The following NOL4 variants were observed in gnomAD, a reference collection of about 807,000 sequenced individuals.
NOL4 encodes the protein cancer/testis antigen 125.
Under a neutral mutation model 75.9 loss-of-function variants are expected in NOL4, and 17 were observed. The observed-to-expected ratio is 0.22, with a 90% CI of 0.15 to 0.34. The LOEUF is 0.34. Among genes scored for constraint, NOL4 ranks in the 10% least tolerant of loss-of-function variants. The pLI is 1.00. For missense variants in NOL4, 614 were observed against 793.5 expected (o/e 0.77, Z 2.72); for synonymous variants, 292 against 289.9 (o/e 1.01, Z -0.07).
chr18:33,910,211 G>A (rs2145126655), intron 9 of NOL4, among the ~76,000 whole-genome samples: 1 of 152,234 alleles, frequency 6.6e-6, no homozygotes, highest in African/African-American at 2.4e-5. Context: ...CTGGCACAAT[G>A]AACATTCTTA....
At chr18:34,099,717 C>G (rs2078956516) in intron 4 of NOL4, among the ~76,000 whole-genome samples, 1 of 152,088 alleles carries the variant, frequency 6.6e-6, no homozygotes. Context: ...CCCCTGCTCT[C>G]GCCCCACCTC....
At chr18:34,083,769 T>C (rs562720986) in intron 5 of NOL4, among the ~76,000 whole-genome samples, 8 of 152,278 alleles carry the variant, frequency 5.3e-5, no homozygotes, top group Admixed American at 1.3e-4. Context: ...ATTATTTTAT[T>C]GCTTCATAGT....
chr18:34,146,344 G>T (rs1406946212), intron 1 of NOL4, among the ~76,000 whole-genome samples: 2 of 152,022 alleles, frequency 1.3e-5, no homozygotes, highest in African/African-American at 4.8e-5. Context: ...TTCTTCTAGG[G>T]TTTTCATGGT....
chr18:34,072,155 G>T (rs1473998211), intron 5 of NOL4, among the ~76,000 whole-genome samples: 1 of 152,062 alleles, frequency 6.6e-6, no homozygotes, highest in Non-Finnish European at 1.5e-5. Flanking sequence ...CGCCCGGGAG[G>T]CAGAGGTTGC....
chr18:33,891,402 T>A (rs1051324381), intron 9 of NOL4, among the ~76,000 whole-genome samples: 1 of 152,134 alleles, frequency 6.6e-6, no homozygotes, highest in Non-Finnish European at 1.5e-5. Context: ...TAAAGCATTA[T>A]GAAAACTACC....
At chr18:34,123,808 T>G (rs9958146) in intron 2 of NOL4, among the ~76,000 whole-genome samples, 4 of 151,052 alleles carry the variant, frequency 2.6e-5, no homozygotes, top group Non-Finnish European at 4.4e-5. Context: ...TATATTTATA[T>G]AGAGAGACAT....
intron 6 of NOL4, 76 bp downstream of exon 6, chr18:34,019,242 T>C (rs900356153): frequency 8.5e-7 from 1 of 1,177,630 alleles, no homozygotes; most frequent in Non-Finnish European, 1.2e-6. Flanking sequence ...ATAATGTTTA[T>C]CTGCTATATG....
In NOL4 at chr18:34,159,823, G is replaced by T. The variant is rs898015518; in HGVS notation, c.265-29803C>A. On this transcript the variant is annotated intron_variant, in intron 1 of 10. Transcript: ENST00000261592. The stretch of plus-strand genomic sequence containing the variant: ...GGAAGGGTCAGAGGCCTTCAGAAAA[G>T]GTTGCCCGCTCAGACAAGACCAGAG... Among the ~76,000 whole-genome samples, 3 of 152,182 alleles carry T rather than the reference G, an allele frequency of 2.0e-5. No individual in the cohort carries two copies. The East Asian group carries it at 5.8e-4, about 30-fold the overall frequency.
intron 10 of NOL4, among the ~76,000 whole-genome samples, chr18:33,869,169 G>A (rs1313873905): frequency 6.6e-6 from 1 of 151,558 alleles, no homozygotes; most frequent in Non-Finnish European, 1.5e-5. Flanking sequence ...CAGCACATAA[G>A]ATATTTATAT....
chr18:34,107,302 G>A (rs2079336036), intron 2 of NOL4, among the ~76,000 whole-genome samples: 1 of 151,990 alleles, frequency 6.6e-6, no homozygotes, highest in Non-Finnish European at 1.5e-5. Context: ...GGTCAAAAAT[G>A]TTTGTGTTCA....
intron 2 of NOL4, among the ~76,000 whole-genome samples, chr18:34,112,367 C>T (rs2079633728): frequency 1.3e-5 from 2 of 149,676 alleles, no homozygotes; most frequent in Non-Finnish European, 1.5e-5. Context: ...AGACTGTCCC[C>T]CCCCAAAAAA....
chr18:34,144,266 T>C (rs1568390267), intron 1 of NOL4, among the ~76,000 whole-genome samples: 1 of 152,162 alleles, frequency 6.6e-6, no homozygotes, highest in Non-Finnish European at 1.5e-5. Context: ...TCCAAAAAGT[T>C]ACCTGTTAGC....
At chr18:33,980,784 C>T (rs908782162) in intron 6 of NOL4, among the ~76,000 whole-genome samples, 1 of 151,986 alleles carries the variant, frequency 6.6e-6, no homozygotes, top group Non-Finnish European at 1.5e-5. Context: ...ATCATGTATT[C>T]CTTCTAACAA....
At chr18:33,987,914 C>G (rs1380491333) in intron 6 of NOL4, among the ~76,000 whole-genome samples, 6 of 152,014 alleles carry the variant, frequency 3.9e-5, no homozygotes, top group Non-Finnish European at 8.8e-5. Flanking sequence ...ATCAGCGGAG[C>G]TTGGTGAAGT....
intron 6 of NOL4, among the ~76,000 whole-genome samples, chr18:34,004,921 C>T (rs978596978): frequency 2.0e-5 from 3 of 152,030 alleles, no homozygotes; most frequent in African/African-American, 7.2e-5. Context: ...TGTCTCCTTG[C>T]TTTTCTTGAT....
chr18:34,101,659 G>A (rs2079046579), intron 4 of NOL4, among the ~76,000 whole-genome samples: 2 of 152,056 alleles, frequency 1.3e-5, no homozygotes, highest in South Asian at 4.1e-4. Flanking sequence ...AACTCCAAAA[G>A]TTATTCAAAG....
At chr18:34,037,418 A>G (rs1013530494) in intron 5 of NOL4, among the ~76,000 whole-genome samples, 1 of 152,090 alleles carries the variant, frequency 6.6e-6, no homozygotes, top group African/African-American at 2.4e-5. Flanking sequence ...AAAAAATCTT[A>G]AAGTTCATAT....
intron 6 of NOL4, among the ~76,000 whole-genome samples, chr18:34,014,269 C>G (rs1049703236): frequency 6.6e-6 from 1 of 151,734 alleles, no homozygotes; most frequent in Non-Finnish European, 1.5e-5. Flanking sequence ...TAAAATACTA[C>G]TAAATAAAGT....
intron 8 of NOL4, among the ~76,000 whole-genome samples, chr18:33,956,455 A>G (rs886470267): frequency 6.6e-6 from 1 of 152,130 alleles, no homozygotes; most frequent in Non-Finnish European, 1.5e-5. Context: ...AATCACACCT[A>G]ACTAATTAGA....
Sources: allele counts gnomAD v4.1 joint callset (sites outside exome capture counted in the v4.1 genomes callset), GRCh38; gene constraint gnomAD v4.1.1; transcripts MANE v1.5; gene names NCBI Gene and HGNC (gene_info 2026-07-23, HGNC 2026-07-21).